WDTC1: variants seen among roughly 807,000 people sequenced by gnomAD.
WDTC1 encodes WD and tetratricopeptide repeats 1.
WDTC1 carries 12 observed loss-of-function variants against 76.0 expected under a neutral mutation model. The observed-to-expected ratio is 0.16, with a 90% confidence interval of 0.10 to 0.26. WDTC1 has a LOEUF of 0.26. Among genes scored for constraint, WDTC1 ranks in the 10% least tolerant of loss-of-function variants. WDTC1 has a pLI of 1.00. For synonymous variants in WDTC1, 326 were observed against 350.8 expected (o/e 0.93, Z 0.79); for missense variants, 511 against 908.8 (o/e 0.56, Z 5.63).
intron 1 of WDTC1, among the ~76,000 whole-genome samples, chr1:27,244,990 T>A (rs1195004503): frequency 2.6e-5 from 4 of 151,838 alleles, no homozygotes; most frequent in Non-Finnish European, 5.9e-5. Context: ...CCACCTCTCA[T>A]TTTACAAACG....
At chr1:27,287,544 G>A (rs747147501) in intron 5 of WDTC1, 130 bp from the exon 6 acceptor site, 83 of 1,055,192 alleles carry the variant, frequency 7.9e-5, no homozygotes, top group Admixed American at 7.5e-4. Context: ...GAGCCACCGC[G>A]CCCAGCCTGC....
In WDTC1 at chr1:27,251,033, A is replaced by ATTTTTTT. The variant is rs71584875; in HGVS notation, c.-99-9892_-99-9886dup. Among the ~76,000 whole-genome samples, 75 of 28,684 alleles carry ATTTTTTT rather than the reference A, an allele frequency of 2.6e-3. 25 individuals are homozygous for ATTTTTTT. The highest frequency in any genetic ancestry group is 9.0e-3 in the South Asian group (3 of 334). 18.8% of individuals were successfully genotyped at this position (28,684 alleles called of 152,430 possible). A position where few individuals can be genotyped will look rare whatever the true frequency, so the allele number is the denominator to read the frequency against. On this transcript the variant is annotated intron_variant, in intron 1 of 15. Transcript: ENST00000319394. ...TGGCGTGCACCACTACTCCTGGCTA[A>ATTTTTTT]TTTTTTTTTTTTTTTTTTTTTTTTT...
At chr1:27,255,862 C>A (rs576440954) in intron 1 of WDTC1, among the ~76,000 whole-genome samples, 57 of 152,274 alleles carry the variant, frequency 3.7e-4, no homozygotes, top group African/African-American at 1.3e-3. Context: ...AACCACCACA[C>A]CCGGCCAAAA....
At chr1:27,298,236 G>A in intron 12 of WDTC1, 125 bp downstream of exon 12, 1 of 1,195,418 alleles carries the variant, frequency 8.4e-7, no homozygotes, top group Non-Finnish European at 1.1e-6. Flanking sequence ...ACATATTGCT[G>A]CCTCTTAGGG....
At chr1:27,266,700 A>G (rs569750579) in intron 3 of WDTC1, among the ~76,000 whole-genome samples, 1 of 152,166 alleles carries the variant, frequency 6.6e-6, no homozygotes, top group Non-Finnish European at 1.5e-5. Context: ...TTTTATTTCC[A>G]TCATTGTCAC....
intron 3 of WDTC1, among the ~76,000 whole-genome samples, chr1:27,273,168 T>G (rs934865331): frequency 6.6e-6 from 1 of 150,398 alleles, no homozygotes; most frequent in Admixed American, 6.7e-5. Context: ...TGTCTCAGAT[T>G]AAAAGAAACA....
upstream of WDTC1, chr1:27,234,516 A>C: frequency 1.5e-4 from 47 of 314,214 alleles, no homozygotes; most frequent in East Asian, 2.9e-4. Flanking sequence ...GCGGGGGGGT[A>C]AGTGGGGGGG....
At chr1:27,288,271 G>C (rs548024445) in intron 6 of WDTC1, among the ~76,000 whole-genome samples, 5 of 152,094 alleles carry the variant, frequency 3.3e-5, no homozygotes, top group Non-Finnish European at 5.9e-5. Context: ...GTAGACAGAC[G>C]TTATGCTTGT....
At chr1:27,239,427 C>T (rs933541300) in intron 1 of WDTC1, among the ~76,000 whole-genome samples, 3 of 142,356 alleles carry the variant, frequency 2.1e-5, no homozygotes, top group Non-Finnish European at 4.5e-5. Context: ...GAATCTGAGG[C>T]GGGGGCATCA....
chr1:27,299,016 A>C (rs79552724), intron 12 of WDTC1, among the ~76,000 whole-genome samples: 5,198 of 152,314 alleles, frequency 0.034, 125 homozygotes, highest in Middle Eastern at 0.048. Context: ...CCAAGGGCTC[A>C]GGTGGTAGCC....
intron 9 of WDTC1, 36 bp downstream of exon 9, chr1:27,294,665 A>T: frequency 6.3e-7 from 1 of 1,584,320 alleles, no homozygotes; most frequent in African/African-American, 1.3e-5. Flanking sequence ...CCCCATCACC[A>T]TTCCATGCCC....
rs769317826 is a variant in WDTC1 at position 27,245,815 on chromosome 1, G to A, written c.-100+10864G>A. ...GAACTCCTGACCTCCTGGTCCACCC[G>A]CCTTGGCCTCCCAGAAAGTGCTGGG... On this transcript the variant is annotated intron_variant, in intron 1 of 15. Coordinates refer to ENST00000319394, the MANE Select transcript of WDTC1 (RefSeq NM_001276252.2). Among the ~76,000 whole-genome samples the A allele has an allele frequency of 1.5e-4, 22 of 151,474 alleles. 2 individuals are homozygous for A. Among genetic ancestry groups the A allele is most frequent in the Middle Eastern group, 6.8e-3 (2 of 294 alleles).
Position 27,261,015 on chromosome 1 carries a change from A to T in WDTC1, c.-40A>T. 6.2e-7 allele frequency: 1 copy of T among 1,612,392 alleles called. No individual in the cohort carries two copies. Among genetic ancestry groups the T allele is most frequent in the Non-Finnish European group, 8.5e-7 (1 of 1,178,888 alleles). Reference sequence around the variant, plus strand: ...GCTGGAATGCTCAGGGGTCCTGAAGATCCTATTATAGCTTCCTTCTGTTGA... The same window carrying T: ...GCTGGAATGCTCAGGGGTCCTGAAGTTCCTATTATAGCTTCCTTCTGTTGA... On this transcript the variant is annotated 5_prime_UTR_variant, in exon 2 of 16. Coordinates refer to ENST00000319394, the MANE Select transcript of WDTC1 (RefSeq NM_001276252.2).
At chr1:27,254,812 T>C (rs1451852017) in intron 1 of WDTC1, among the ~76,000 whole-genome samples, 1 of 152,024 alleles carries the variant, frequency 6.6e-6, no homozygotes, top group Non-Finnish European at 1.5e-5. Context: ...TTTTTTGTAT[T>C]TTTAGTAGAG....
chr1:27,296,225 T>C, intron 9 of WDTC1, 101 bp from the exon 10 acceptor site: 3 of 1,359,746 alleles, frequency 2.2e-6, no homozygotes, highest in Non-Finnish European at 3.2e-6. Context: ...ACTCACTGTG[T>C]TCCAAGACTC....
Position 27,303,642 on chromosome 1 carries a change from G to A in WDTC1, c.1490G>A (p.Gly497Asp), listed in dbSNP as rs2013883816. Residue 497 changes from glycine (G) to aspartate (D), a missense_variant, in exon 14 of 16, where the codon GGC becomes GAC. Gly to Asp is a moderately conservative substitution (Grantham distance 94, BLOSUM62 -1). Transcript: ENST00000319394. This position sits in a 1 kb window ranked among gnomAD's most constrained non-coding sequence, Gnocchi z 4.8. Reference protein sequence around the residue: ...NDGEEKKGPGGGAPVRLRSTS... With the variant: ...NDGEEKKGPGDGAPVRLRSTS... ...CCAGAGGAGAAGAAGGGACCTGGTGGCGGCGCCCCAGTCCGCCTCCGCAGC... is the reference window on the plus strand; with the variant it reads ...CCAGAGGAGAAGAAGGGACCTGGTGACGGCGCCCCAGTCCGCCTCCGCAGC... 1 of 1,602,556 alleles carries A rather than the reference G, an allele frequency of 6.2e-7. No homozygotes were observed. Among genetic ancestry groups the A allele is most frequent in the Non-Finnish European group, 8.5e-7 (1 of 1,176,006 alleles).
intron 1 of WDTC1, among the ~76,000 whole-genome samples, chr1:27,244,366 T>C (rs1257293359): frequency 6.6e-6 from 1 of 152,152 alleles, no homozygotes; most frequent in Non-Finnish European, 1.5e-5. Flanking sequence ...CGCCTCACTT[T>C]GTCACACGGG....
chr1:27,270,510 C>T (rs1391361862), intron 3 of WDTC1, among the ~76,000 whole-genome samples: 1 of 151,932 alleles, frequency 6.6e-6, no homozygotes, highest in Non-Finnish European at 1.5e-5. Flanking sequence ...CTGGCTAACA[C>T]GGTGAAACCC....
chr1:27,246,862 ATTTTTTT>A (rs557734769), intron 1 of WDTC1, among the ~76,000 whole-genome samples: 3 of 89,214 alleles, frequency 3.4e-5, no homozygotes, highest in African/African-American at 8.6e-5. Context: ...ACGCCCAGCC[ATTTTTTT>A]TTTTTTTTTT....
Sources: allele counts gnomAD v4.1 joint callset (sites outside exome capture counted in the v4.1 genomes callset), GRCh38; gene constraint gnomAD v4.1.1; non-coding constraint Gnocchi (gnomAD v3.1); transcripts MANE v1.5; gene names NCBI Gene and HGNC (gene_info 2026-07-23, HGNC 2026-07-21).